The following BLVRA variants were observed in gnomAD, a reference collection of about 807,000 sequenced individuals.
BLVRA encodes the protein BVR A.
In BLVRA, 22 loss-of-function variants were observed where a neutral mutation model predicts 32.8. The ratio of observed to expected loss-of-function variants is 0.67; its 90% CI spans 0.48 to 0.96. The LOEUF (loss-of-function observed/expected upper bound fraction) is 0.96, where lower values mean the gene tolerates loss of function less well. BLVRA is among the 40% of genes least tolerant of loss of function. The pLI is 0.00. For missense variants in BLVRA, 323 were observed against 358.1 expected (o/e 0.90, Z 0.79); for synonymous variants, 119 against 141.3 (o/e 0.84, Z 1.12).
At chr7:43,772,883 A>G (rs933040438) in intron 2 of BLVRA, among the ~76,000 whole-genome samples, 1 of 152,196 alleles carries the variant, frequency 6.6e-6, no homozygotes, top group African/African-American at 2.4e-5. Context: ...ACAATTCAAG[A>G]TGAGATTTGG....
intron 3 of BLVRA, among the ~76,000 whole-genome samples, chr7:43,790,447 A>G (rs535363181): frequency 6.6e-6 from 1 of 152,064 alleles, no homozygotes; most frequent in African/African-American, 2.4e-5. Context: ...ACACACAAAC[A>G]CACACACAGA....
intron 1 of BLVRA, among the ~76,000 whole-genome samples, chr7:43,765,999 A>G (rs2095747414): frequency 6.6e-6 from 1 of 152,240 alleles, no homozygotes; most frequent in South Asian, 2.1e-4. Flanking sequence ...AAATAAAGAA[A>G]AGTTAAGGCA....
chr7:43,791,468 C>A, intron 4 of BLVRA, 100 bp downstream of exon 4: 1 of 1,359,500 alleles, frequency 7.4e-7, no homozygotes, highest in Non-Finnish European at 1.0e-6. Context: ...TCAGAAGAGC[C>A]AGTGAGAAAA....
intron 2 of BLVRA, among the ~76,000 whole-genome samples, chr7:43,777,352 T>C (rs1468230516): frequency 1.3e-5 from 2 of 150,912 alleles, no homozygotes; most frequent in African/African-American, 4.8e-5. Context: ...TGACAAAATC[T>C]CTCAGCATTT....
intron 6 of BLVRA, among the ~76,000 whole-genome samples, chr7:43,803,166 C>A (rs181752664): frequency 6.6e-6 from 1 of 152,278 alleles, no homozygotes; most frequent in East Asian, 1.9e-4. Flanking sequence ...TATTATAATA[C>A]CTTCATACCT....
intron 6 of BLVRA, among the ~76,000 whole-genome samples, chr7:43,803,309 TTGTGTGTG>T (rs34404101): frequency 2.3e-4 from 34 of 149,256 alleles, no homozygotes; most frequent in African/African-American, 7.1e-4. Flanking sequence ...TAGGTATGTG[TTGTGTGTG>T]TGTGTGTGTG....
intron 5 of BLVRA, among the ~76,000 whole-genome samples, chr7:43,797,451 T>C (rs944916938): frequency 2.6e-5 from 4 of 152,248 alleles, no homozygotes; most frequent in African/African-American, 9.6e-5. Context: ...TATCACATAC[T>C]TAACAAACTA....
At chr7:43,802,652 C>T (rs1188322016) in intron 6 of BLVRA, among the ~76,000 whole-genome samples, 3 of 152,090 alleles carry the variant, frequency 2.0e-5, no homozygotes, top group Admixed American at 6.6e-5. Flanking sequence ...GTGTGCACCA[C>T]GACACCCGCC....
chr7:43,771,191 AGTTTAAGGG>A, intron 2 of BLVRA, 21 bp downstream of exon 2: 2 of 1,612,558 alleles, frequency 1.2e-6, no homozygotes, highest in Non-Finnish European at 8.5e-7. Context: ...TACAAAGACC[AGTTTAAGGG>A]ATGCTTTTCT....
At chr7:43,802,171 G>C (rs1044388300) in intron 6 of BLVRA, among the ~76,000 whole-genome samples, 1 of 151,980 alleles carries the variant, frequency 6.6e-6, no homozygotes, top group African/African-American at 2.4e-5. Flanking sequence ...AAAAGAACTA[G>C]AGCAGACAGT....
chr7:43,780,470 C>T (rs755426850), intron 2 of BLVRA, among the ~76,000 whole-genome samples: 54 of 152,294 alleles, frequency 3.5e-4, no homozygotes, highest in Non-Finnish European at 2.5e-4. Context: ...TGGAACTTAT[C>T]GCTAAGTGGG....
intron 1 of BLVRA, among the ~76,000 whole-genome samples, chr7:43,770,547 G>A (rs747740799): frequency 4.6e-5 from 7 of 152,054 alleles, no homozygotes; most frequent in East Asian, 1.9e-4. Context: ...CTGTTAAGCC[G>A]TGTTGTTGCT....
intron 2 of BLVRA, among the ~76,000 whole-genome samples, chr7:43,778,582 C>G (rs2095764524): frequency 6.6e-6 from 1 of 152,248 alleles, no homozygotes; most frequent in Non-Finnish European, 1.5e-5. Flanking sequence ...GGGGGTGCCT[C>G]CCAGTTAGGC....
At chr7:43,779,176 T>G (rs2095765711) in intron 2 of BLVRA, among the ~76,000 whole-genome samples, 1 of 152,204 alleles carries the variant, frequency 6.6e-6, no homozygotes, top group African/African-American at 2.4e-5. Context: ...TGGCACTCCC[T>G]AGTGAGGTGA....
intron 1 of BLVRA, chr7:43,767,209 G>C (rs2095749203): frequency 3.1e-6 from 2 of 635,024 alleles, no homozygotes; most frequent in Non-Finnish European, 5.6e-6. Flanking sequence ...CACTTTTATA[G>C]GAAAACTTTC....
At chr7:43,798,232 CGAT>C (rs988976418) in intron 5 of BLVRA, among the ~76,000 whole-genome samples, 2 of 94,078 alleles carry the variant, frequency 2.1e-5, no homozygotes, top group Non-Finnish European at 4.3e-5. Flanking sequence ...AAAAAGGAAA[CGAT>C]GCTGTTTTTC....
chr7:43,806,955 C>G (rs776455145), intron 7 of BLVRA, 22 bp from the exon 8 acceptor site: 1 of 1,612,944 alleles, frequency 6.2e-7, no homozygotes. Context: ...TAACATGATT[C>G]TTTTGTCTTT....
intron 2 of BLVRA, among the ~76,000 whole-genome samples, chr7:43,773,824 C>T (rs1416810441): frequency 6.6e-6 from 1 of 152,138 alleles, no homozygotes; most frequent in Non-Finnish European, 1.5e-5. Flanking sequence ...TTTTAATGAT[C>T]ACCATTCTAA....
intron 3 of BLVRA, among the ~76,000 whole-genome samples, chr7:43,789,246 C>T (rs932285903): frequency 6.6e-6 from 1 of 152,172 alleles, no homozygotes; most frequent in African/African-American, 2.4e-5. Flanking sequence ...GCTTTAGAGA[C>T]ATCAGATAAA....
Sources: allele counts gnomAD v4.1 joint callset (sites outside exome capture counted in the v4.1 genomes callset), GRCh38; gene constraint gnomAD v4.1.1; transcripts MANE v1.5; gene names NCBI Gene and HGNC (gene_info 2026-07-23, HGNC 2026-07-21).